Variants in CEP95 observed in about 807,000 individuals in gnomAD.
The protein encoded by CEP95 is centrosomal protein of 95 kDa.
A neutral mutation model predicts 111.2 loss-of-function variants in CEP95; 98 were observed. That is an observed-to-expected ratio of 0.88 (90% CI 0.75 to 1.04). The LOEUF is 1.04. CEP95 is among the 50% of genes least tolerant of loss of function. The probability of loss-of-function intolerance (pLI) is 0.00; values close to 1 mark genes in which losing one functional copy is unlikely to be tolerated. For synonymous variants in CEP95, 323 were observed against 327.1 expected, an observed-to-expected ratio of 0.99 and a Z score of 0.14; for missense variants, 1,027 against 977.2, an observed-to-expected ratio of 1.05 and a Z score of -0.68.
At chr17:64,527,514 T>C (rs1316340697) in intron 11 of CEP95, among the ~76,000 whole-genome samples, 4 of 152,174 alleles carry the variant, frequency 2.6e-5, no homozygotes, top group Non-Finnish European at 4.4e-5. Flanking sequence ...ACAGATCTCT[T>C]TTCCCCACCC....
intron 11 of CEP95, among the ~76,000 whole-genome samples, chr17:64,528,813 G>A (rs1968054017): frequency 6.6e-6 from 1 of 152,204 alleles, no homozygotes; most frequent in African/African-American, 2.4e-5. Context: ...GTGCAATTAG[G>A]AGGGCTAGAT....
In CEP95 at chr17:64,507,868, A is replaced by G. The variant is rs782662614; in HGVS notation, c.20-724A>G. ...TTCCCAGGCATTTCAAGGAACAAGT[A>G]TTTTAAGCTAAGTTACTTTTGGTAC... On this transcript the variant is annotated intron_variant, in intron 1 of 19. Transcript: ENST00000556440. The G allele has an allele frequency of 4.7e-5, 46 of 985,350 alleles. 1 individual carries two copies. The highest frequency in any genetic ancestry group is 6.1e-5 in the Admixed American group (1 of 16,270). The allele number at this position is 985,350 out of a possible 1,614,324, so 61.0% of individuals were successfully genotyped here. A position where few individuals can be genotyped will look rare whatever the true frequency, so the allele number is the denominator to read the frequency against.
chr17:64,516,967 T>C (rs912300309), intron 5 of CEP95, 139 bp downstream of exon 5: 19 of 557,258 alleles, frequency 3.4e-5, no homozygotes, highest in African/African-American at 2.7e-4. Context: ...TTTTAAACTT[T>C]CCTGAGGGAG....
At chr17:64,525,714 G>A in intron 8 of CEP95, 56 bp from the exon 9 acceptor site, 1 of 1,173,340 alleles carries the variant, frequency 8.5e-7, no homozygotes, top group Non-Finnish European at 1.2e-6. Context: ...CTCCCAGAAA[G>A]TTCATGTTTC....
intron 2 of CEP95, among the ~76,000 whole-genome samples, chr17:64,509,802 T>C (rs1409776443): frequency 1.3e-5 from 2 of 152,134 alleles, no homozygotes; most frequent in African/African-American, 2.4e-5. Context: ...GTATCATGTC[T>C]TGGCTCCCTT....
At chr17:64,507,949 TACGCAGGAAA>T (rs1555673538) in intron 1 of CEP95, 244 of 985,294 alleles carry the variant, frequency 2.5e-4, no homozygotes, top group Non-Finnish European at 2.9e-4. Flanking sequence ...GAGAATGTGG[TACGCAGGAAA>T]CGTCAACAGT....
At chr17:64,523,354 T>C (rs1324459696) in intron 8 of CEP95, among the ~76,000 whole-genome samples, 1 of 152,176 alleles carries the variant, frequency 6.6e-6, no homozygotes, top group Admixed American at 6.5e-5. Context: ...GGATTTGAAC[T>C]TGGACATTCT....
At chr17:64,534,795 G>C (rs1555681236) in intron 17 of CEP95, 58 bp downstream of exon 17, 1 of 1,567,988 alleles carries the variant, frequency 6.4e-7, no homozygotes, top group Non-Finnish European at 8.7e-7. Flanking sequence ...TATCTTTCAG[G>C]ACCACCTTCT....
intron 11 of CEP95, among the ~76,000 whole-genome samples, chr17:64,528,869 A>G (rs1454687147): frequency 1.3e-5 from 2 of 152,238 alleles, no homozygotes; most frequent in Admixed American, 6.5e-5. Flanking sequence ...TGCTTAACAC[A>G]TTAACTTTGC....
chr17:64,531,129 T>G, intron 13 of CEP95, 111 bp downstream of exon 13: 2 of 546,090 alleles, frequency 3.7e-6, no homozygotes, highest in Admixed American at 3.7e-5. Context: ...TCATGAGCTC[T>G]TTAGGAAAAG....
At chr17:64,507,394 C>G (rs1046179517) in intron 1 of CEP95, 5 of 1,381,640 alleles carry the variant, frequency 3.6e-6, no homozygotes, top group Middle Eastern at 2.7e-4. Flanking sequence ...TCAGAAGGGT[C>G]GTCCCCGGAC....
intron 14 of CEP95, 41 bp from the exon 15 acceptor site, chr17:64,532,798 G>A: frequency 6.3e-7 from 1 of 1,581,914 alleles, no homozygotes; most frequent in Non-Finnish European, 8.6e-7. Context: ...GACAGTTCTT[G>A]TCCACGTCTC....
At chr17:64,537,575 A>T in intron 19 of CEP95, 28 bp from the exon 20 acceptor site, 2 of 1,561,964 alleles carry the variant, frequency 1.3e-6, no homozygotes, top group Non-Finnish European at 1.7e-6. Context: ...TGCTGTGAAC[A>T]GCGGGATGAC....
intron 4 of CEP95, chr17:64,515,739 C>T (rs1416074117): frequency 6.6e-6 from 1 of 152,160 alleles, no homozygotes; most frequent in Non-Finnish European, 1.5e-5. Context: ...TATATACTTA[C>T]CTGGCAATAT....
intron 14 of CEP95, 160 bp from the exon 15 acceptor site, chr17:64,532,679 C>T: frequency 7.0e-7 from 1 of 1,430,354 alleles, no homozygotes; most frequent in Non-Finnish European, 9.1e-7. Context: ...AGTTGGCTTA[C>T]TCCAATCAGA....
chr17:64,525,983 G>A (rs1555679001), intron 9 of CEP95, 88 bp from the exon 10 acceptor site: 1 of 1,509,100 alleles, frequency 6.6e-7, no homozygotes, highest in Admixed American at 2.1e-5. Flanking sequence ...CCAGAATGAA[G>A]TATTTGTTAA....
chr17:64,509,403 G>A (rs1348907817), intron 2 of CEP95, among the ~76,000 whole-genome samples: 2 of 152,210 alleles, frequency 1.3e-5, no homozygotes, highest in East Asian at 3.9e-4. Flanking sequence ...AGGGCCAGGC[G>A]CGGTGGCTCA....
intron 16 of CEP95, among the ~76,000 whole-genome samples, chr17:64,533,539 C>T (rs1968435676): frequency 1.3e-5 from 2 of 151,978 alleles, no homozygotes; most frequent in South Asian, 2.1e-4. Flanking sequence ...CGTGGGAGGG[C>T]GAGGCTGCAG....
intron 5 of CEP95, 22 bp from the exon 6 acceptor site, chr17:64,519,299 G>A: frequency 6.3e-7 from 1 of 1,579,052 alleles, no homozygotes; most frequent in South Asian, 1.1e-5. Context: ...TGGGCCCTGA[G>A]TGAAGGAGGG....
Sources: allele counts gnomAD v4.1 joint callset (sites outside exome capture counted in the v4.1 genomes callset), GRCh38; gene constraint gnomAD v4.1.1; transcripts MANE v1.5; gene names NCBI Gene and HGNC (gene_info 2026-07-23, HGNC 2026-07-21).